The following KSR2 variants were observed in gnomAD, a reference collection of about 807,000 sequenced individuals.
KSR2 encodes the protein kinase suppressor of ras 2.
KSR2 carries 25 observed loss-of-function variants against 107.8 expected under a neutral mutation model. The observed-to-expected ratio is 0.23, with a 90% CI of 0.17 to 0.32. The LOEUF (loss-of-function observed/expected upper bound fraction) is 0.32, where lower values mean the gene tolerates loss of function less well. KSR2 is among the 10% of genes least tolerant of loss of function. KSR2 has a pLI of 1.00. For missense variants in KSR2, 887 were observed against 1,268.9 expected (o/e 0.70, Z 4.57); for synonymous variants, 480 against 507.0 (o/e 0.95, Z 0.71).
intron 4 of KSR2, among the ~76,000 whole-genome samples, chr12:117,682,565 G>A (rs11068626): frequency 0.13 from 20,202 of 151,770 alleles, 1,396 homozygotes; most frequent in East Asian, 0.26. Context: ...ATACAGGTGC[G>A]CACCACCACA....
intron 1 of KSR2, among the ~76,000 whole-genome samples, chr12:117,866,148 C>A (rs961743836): frequency 6.6e-6 from 1 of 151,608 alleles, no homozygotes; most frequent in Non-Finnish European, 1.5e-5. Context: ...GCCATCCTCC[C>A]ACCTCAGCTT....
At chr12:117,724,541 C>T (rs566087828) in intron 4 of KSR2, among the ~76,000 whole-genome samples, 1 of 152,164 alleles carries the variant, frequency 6.6e-6, no homozygotes, top group African/African-American at 2.4e-5. Context: ...AGCCACACAA[C>T]AAGCATCATC....
Position 117,599,451 on chromosome 12 carries a change from T to C in KSR2, c.1172-17092A>G, listed in dbSNP as rs76895491. ...TGCATTTCTAACAAGTTCTAGAAGA[T>C]GAATGATACTAATGGCACTCCTCTT... On this transcript the variant is annotated intron_variant, in intron 5 of 19. Transcript: ENST00000339824. Among the ~76,000 whole-genome samples, 29 of 151,418 alleles carry C rather than the reference T, an allele frequency of 1.9e-4. No homozygotes were observed. The East Asian group carries it at 4.1e-3, about 21-fold the overall frequency.
At chr12:117,802,717 C>A (rs1890876672) in intron 3 of KSR2, among the ~76,000 whole-genome samples, 1 of 152,060 alleles carries the variant, frequency 6.6e-6, no homozygotes, top group African/African-American at 2.4e-5. Context: ...TCTTTCCCCA[C>A]CCACCCCCTT....
intron 1 of KSR2, 47 bp from the exon 2 acceptor site, chr12:117,860,478 A>G (rs747505737): frequency 6.5e-7 from 1 of 1,550,128 alleles, no homozygotes; most frequent in Non-Finnish European, 8.7e-7. Flanking sequence ...AGAGGCAGTG[A>G]CACAAGGAAG....
At chr12:117,778,402 T>A (rs1889770218) in intron 3 of KSR2, among the ~76,000 whole-genome samples, 1 of 152,184 alleles carries the variant, frequency 6.6e-6, no homozygotes, top group African/African-American at 2.4e-5. Flanking sequence ...AAACAATCCT[T>A]GAACAGTCAT....
intron 3 of KSR2, among the ~76,000 whole-genome samples, chr12:117,777,139 T>TTATATATATATATATACACACTATATTA (rs1555238942): frequency 1.3e-4 from 18 of 136,746 alleles, no homozygotes; most frequent in African/African-American, 5.1e-4. Flanking sequence ...ATACACTATA[T>TTATATATATATATATACACACTATATTA]TATATATATA....
At chr12:117,695,709 TCAAA>T (rs1008850926) in intron 4 of KSR2, among the ~76,000 whole-genome samples, 1 of 126,740 alleles carries the variant, frequency 7.9e-6, no homozygotes, top group Non-Finnish European at 1.7e-5. Flanking sequence ...AGATCCTGTC[TCAAA>T]CAAACAAAAA....
intron 3 of KSR2, among the ~76,000 whole-genome samples, chr12:117,802,165 T>C (rs1028252107): frequency 6.6e-6 from 1 of 152,110 alleles, no homozygotes; most frequent in Non-Finnish European, 1.5e-5. Context: ...TGTTTCCTTG[T>C]CTTTTCCAGC....
chr12:117,685,131 C>T (rs953352060), intron 4 of KSR2, among the ~76,000 whole-genome samples: 1 of 152,202 alleles, frequency 6.6e-6, no homozygotes, highest in African/African-American at 2.4e-5. Context: ...CACAGCACAG[C>T]CCAGCCTCCT....
At chr12:117,542,283 G>T (rs899794987) in intron 9 of KSR2, among the ~76,000 whole-genome samples, 1 of 152,156 alleles carries the variant, frequency 6.6e-6, no homozygotes, top group Non-Finnish European at 1.5e-5. Flanking sequence ...CCTTCGTATT[G>T]AGTAGAGGTG....
intron 4 of KSR2, among the ~76,000 whole-genome samples, chr12:117,757,054 C>CAAA (rs58452409): frequency 6.8e-4 from 94 of 137,502 alleles, no homozygotes; most frequent in African/African-American, 2.4e-3. Flanking sequence ...GACTCCATCT[C>CAAA]AAAAAAAAAA....
intron 19 of KSR2, among the ~76,000 whole-genome samples, chr12:117,469,403 A>G (rs1365617044): frequency 6.6e-6 from 1 of 152,150 alleles, no homozygotes; most frequent in South Asian, 2.1e-4. Flanking sequence ...CGGGGCATCA[A>G]TCTTCATCAG....
At chr12:117,522,261 A>C (rs1430627751) in intron 14 of KSR2, among the ~76,000 whole-genome samples, 3 of 152,084 alleles carry the variant, frequency 2.0e-5, no homozygotes, top group Non-Finnish European at 4.4e-5. Flanking sequence ...GTCTATTTCC[A>C]ACTTGCTAGC....
intron 1 of KSR2, among the ~76,000 whole-genome samples, chr12:117,963,812 C>T (rs1479970805): frequency 2.0e-5 from 3 of 152,070 alleles, no homozygotes; most frequent in South Asian, 2.1e-4. Context: ...TCTAGGCTGC[C>T]CCATGAAGGC....
intron 4 of KSR2, among the ~76,000 whole-genome samples, chr12:117,752,268 G>A (rs1888637583): frequency 6.6e-6 from 1 of 152,196 alleles, no homozygotes. Flanking sequence ...TGTTCCATAA[G>A]GGTGGAGGTG....
intron 7 of KSR2, among the ~76,000 whole-genome samples, chr12:117,574,171 T>C (rs892678631): frequency 9.2e-5 from 14 of 151,598 alleles, no homozygotes; most frequent in African/African-American, 2.7e-4. Flanking sequence ...CCTGAGATTC[T>C]AGGAGTGGAG....
At chr12:117,475,457 T>G (rs1484582144) in intron 17 of KSR2, among the ~76,000 whole-genome samples, 1 of 152,200 alleles carries the variant, frequency 6.6e-6, no homozygotes, top group African/African-American at 2.4e-5. Context: ...CACAGTCTTT[T>G]GATCTGGAAC....
chr12:117,768,900 G>T (rs1889339705), intron 3 of KSR2, among the ~76,000 whole-genome samples: 1 of 152,194 alleles, frequency 6.6e-6, no homozygotes, highest in Admixed American at 6.5e-5. Flanking sequence ...AGGACATGTG[G>T]GGTTTGGGTC....
Sources: allele counts gnomAD v4.1 joint callset (sites outside exome capture counted in the v4.1 genomes callset), GRCh38; gene constraint gnomAD v4.1.1; transcripts MANE v1.5; gene names NCBI Gene and HGNC (gene_info 2026-07-23, HGNC 2026-07-21).